YPEL2: variants seen among roughly 807,000 people sequenced by gnomAD.
The protein encoded by YPEL2 is yippee like 2, also known as protein yippee-like 2.
In YPEL2, 2 loss-of-function variants were observed where a neutral mutation model predicts 19.1. The ratio of observed to expected loss-of-function variants is 0.10; its 90% CI spans 0.04 to 0.33. YPEL2 has a LOEUF of 0.33. Ranked by LOEUF, YPEL2 falls within the 10% of genes least tolerant of loss-of-function variation. The probability of loss-of-function intolerance (pLI) is 1.00; values close to 1 mark genes in which losing one functional copy is unlikely to be tolerated. For missense variants in YPEL2, 66 were observed against 140.7 expected (o/e 0.47, Z 2.68); for synonymous variants, 52 against 50.0 (o/e 1.04, Z -0.17).
chr17:59,350,927 C>G (rs566975972), intron 1 of YPEL2, among the ~76,000 whole-genome samples: 2 of 152,146 alleles, frequency 1.3e-5, no homozygotes, highest in Non-Finnish European at 2.9e-5. Context: ...TGCTCCCCAG[C>G]GGGCAGCTAA....
chr17:59,388,082 T>G (rs2047989880), intron 2 of YPEL2, among the ~76,000 whole-genome samples: 1 of 152,202 alleles, frequency 6.6e-6, no homozygotes, highest in East Asian at 1.9e-4. Context: ...GGTTTTGGGT[T>G]TTTTTCATTT....
chr17:59,375,095 A>G (rs2047914164), intron 2 of YPEL2, among the ~76,000 whole-genome samples: 1 of 152,098 alleles, frequency 6.6e-6, no homozygotes, highest in African/African-American at 2.4e-5. Context: ...CTTCCTCTGG[A>G]GGTAGTGAGT....
intron 1 of YPEL2, among the ~76,000 whole-genome samples, chr17:59,352,723 G>A (rs1462726219): frequency 6.6e-6 from 1 of 152,184 alleles, no homozygotes; most frequent in African/African-American, 2.4e-5. Flanking sequence ...GGGGTTTGCT[G>A]CCTCTGCAGG....
intron 3 of YPEL2, chr17:59,388,890 G>C (rs2047994234): frequency 5.2e-6 from 1 of 192,212 alleles, no homozygotes; most frequent in African/African-American, 2.3e-5. Context: ...CCTGTGGCTT[G>C]AGCTGGGCAC....
At chr17:59,388,984 C>T (rs1391829495) in intron 3 of YPEL2, 2 of 281,882 alleles carry the variant, frequency 7.1e-6, no homozygotes, top group Non-Finnish European at 1.4e-5. Flanking sequence ...TGTGTGGCAT[C>T]TTCAGCTTCA....
At chr17:59,357,938 G>A (rs2047821178) in intron 2 of YPEL2, among the ~76,000 whole-genome samples, 1 of 152,174 alleles carries the variant, frequency 6.6e-6, no homozygotes, top group Non-Finnish European at 1.5e-5. Context: ...TCCAGTGGAG[G>A]TGGGATGAGG....
In YPEL2 at chr17:59,397,438, C is replaced by G. The variant is rs1404994796; in HGVS notation, c.*248C>G. ...TCTCTGTTCTAGTTTTGGCTGAAAA[C>G]AAAACAACAAAAGGAACAGATCCTT... is the stretch of plus-strand genomic sequence containing the variant. On this transcript the variant is annotated 3_prime_UTR_variant, in exon 5 of 5. Transcript: ENST00000312655. The G allele has an allele frequency of 3.0e-6, 1 of 328,558 alleles. No individual in the cohort carries two copies. The highest frequency in any genetic ancestry group is 5.5e-6 in the Non-Finnish European group (1 of 180,988). 20.4% of individuals were successfully genotyped at this position (328,558 alleles called of 1,614,324 possible). A position where few individuals can be genotyped will look rare whatever the true frequency, so the allele number is the denominator to read the frequency against.
At chr17:59,369,478 A>G (rs1345522501) in intron 2 of YPEL2, among the ~76,000 whole-genome samples, 1 of 152,222 alleles carries the variant, frequency 6.6e-6, no homozygotes, top group African/African-American at 2.4e-5. Context: ...CAGGTCACCT[A>G]GGACACAAGA....
Position 59,397,381 on chromosome 17 carries a change from T to G in YPEL2, c.*191T>G. ...TCGCTGTCTCTCTGTCTCTTTGCTTTGTATCTGTTTGTGAGTTGATCCTGG... is the reference window on the plus strand; with the variant it reads ...TCGCTGTCTCTCTGTCTCTTTGCTTGGTATCTGTTTGTGAGTTGATCCTGG... On this transcript the variant is annotated 3_prime_UTR_variant, in exon 5 of 5. Transcript: ENST00000312655. 2.3e-6 allele frequency: 1 copy of G among 434,052 alleles called. No homozygotes were observed. The highest frequency in any genetic ancestry group is 3.7e-5 in the East Asian group (1 of 27,356). 26.9% of individuals were successfully genotyped at this position (434,052 alleles called of 1,614,324 possible).
At position 59,353,370 on chromosome 17, in the gene YPEL2, G is replaced by A. The variant is rs1380655954; in HGVS notation, c.-40G>A. Reference sequence around the variant, plus strand: ...GCGACCCATCCTGTGGGAGTGCCTCGTGGGCTGCCCCAGAGTTCACCCCAC... The same window carrying A: ...GCGACCCATCCTGTGGGAGTGCCTCATGGGCTGCCCCAGAGTTCACCCCAC... On this transcript the variant is annotated 5_prime_UTR_variant, in exon 2 of 5. It adds an upstream start codon to the 5' untranslated region. Transcript: ENST00000312655. The surrounding 1 kb of genome is among the most constrained non-coding windows in gnomAD (Gnocchi z 4.8). 2.0e-6 allele frequency: 3 copies of A among 1,466,984 alleles called. No homozygotes were observed. Among genetic ancestry groups the A allele is most frequent in the Admixed American group, 1.9e-5 (1 of 51,318 alleles). The allele number at this position is 1,466,984 out of a possible 1,614,324, so 90.9% of individuals were successfully genotyped here. A position where few individuals can be genotyped will look rare whatever the true frequency, so the allele number is the denominator to read the frequency against.
chr17:59,384,179 T>G (rs2047968804), intron 2 of YPEL2, among the ~76,000 whole-genome samples: 1 of 152,234 alleles, frequency 6.6e-6, no homozygotes, highest in South Asian at 2.1e-4. Context: ...AAGTTCAGTT[T>G]ATCAGTTTTT....
Position 59,397,537 on chromosome 17 carries a change from G to A in YPEL2, c.*347G>A, listed in dbSNP as rs1244029083. 3 of 183,400 alleles carry A rather than the reference G, an allele frequency of 1.6e-5. No individual in the cohort carries two copies. The highest frequency in any genetic ancestry group is 3.4e-5 in the Non-Finnish European group (3 of 88,878). The allele number at this position is 183,400 out of a possible 1,614,324, so 11.4% of individuals were successfully genotyped here. A position where few individuals can be genotyped will look rare whatever the true frequency, so the allele number is the denominator to read the frequency against. Reference sequence around the variant, plus strand: ...AGAGCTGCCTGATGGCCTCTTGTCAGGAGAGCAGTGGCACGGGGGCGTGAG... The same window carrying A: ...AGAGCTGCCTGATGGCCTCTTGTCAAGAGAGCAGTGGCACGGGGGCGTGAG... On this transcript the variant is annotated 3_prime_UTR_variant, in exon 5 of 5. Transcript: ENST00000312655.
At chr17:59,396,647 G>A (rs991029590) in intron 4 of YPEL2, among the ~76,000 whole-genome samples, 1 of 152,198 alleles carries the variant, frequency 6.6e-6, no homozygotes, top group Non-Finnish European at 1.5e-5. Context: ...TGAGGGGTAG[G>A]AATCATCTCG....
chr17:59,357,008 A>G (rs562825825), intron 2 of YPEL2, among the ~76,000 whole-genome samples: 6 of 152,162 alleles, frequency 3.9e-5, no homozygotes, highest in Non-Finnish European at 7.3e-5. Flanking sequence ...AGCAGCCAGC[A>G]CCTAGTGTAT....
At chr17:59,396,939 G>A (rs2048042387) in intron 4 of YPEL2, among the ~76,000 whole-genome samples, 162 bp from the exon 5 acceptor site, 1 of 152,146 alleles carries the variant, frequency 6.6e-6, no homozygotes. Flanking sequence ...GCTGAGGCAG[G>A]AGAATCGCTC....
intron 2 of YPEL2, among the ~76,000 whole-genome samples, chr17:59,380,461 G>C (rs940325000): frequency 6.6e-6 from 1 of 151,730 alleles, no homozygotes; most frequent in South Asian, 2.1e-4. Flanking sequence ...GTAGAGACGG[G>C]GTTTCGCCAT....
intron 2 of YPEL2, among the ~76,000 whole-genome samples, chr17:59,359,833 A>G (rs2047831541): frequency 6.6e-6 from 1 of 152,262 alleles, no homozygotes; most frequent in African/African-American, 2.4e-5. Flanking sequence ...GGGTGGGAAC[A>G]ACTGCTCTGT....
chr17:59,385,269 AT>A (rs1230288982), intron 2 of YPEL2, among the ~76,000 whole-genome samples: 1 of 152,230 alleles, frequency 6.6e-6, no homozygotes, highest in Non-Finnish European at 1.5e-5. Context: ...AATACATTTC[AT>A]TTATTTAAAA....
intron 2 of YPEL2, among the ~76,000 whole-genome samples, chr17:59,365,294 G>A (rs568378036): frequency 6.6e-6 from 1 of 152,178 alleles, no homozygotes; most frequent in Non-Finnish European, 1.5e-5. Context: ...GGGACCAGCA[G>A]GTCTCAGGAG....
Sources: gnomAD v4.1 joint callset for allele counts (sites outside exome capture counted in the v4.1 genomes callset) on GRCh38, gnomAD v4.1.1 for gene constraint, Gnocchi (gnomAD v3.1) non-coding constraint, MANE v1.5 for transcripts, NCBI Gene and HGNC (gene_info 2026-07-23, HGNC 2026-07-21) for gene names.